The following EMP3 variants were observed in gnomAD, a reference collection of about 807,000 sequenced individuals.
The protein encoded by EMP3 is epithelial membrane protein 3 (MAM blood group), also known as epithelial membrane protein 3.
Under a neutral mutation model 21.6 loss-of-function variants are expected in EMP3, and 15 were observed. The ratio of observed to expected loss-of-function variants is 0.69; its 90% CI spans 0.46 to 1.07. EMP3 has a LOEUF of 1.07. Ranked by LOEUF, EMP3 falls within the 50% of genes least tolerant of loss-of-function variation. The probability of loss-of-function intolerance (pLI) is 0.00; values close to 1 mark genes in which losing one functional copy is unlikely to be tolerated. For synonymous variants in EMP3, 107 were observed against 86.1 expected, an observed-to-expected ratio of 1.24 and a Z score of -1.34; for missense variants, 183 against 206.6, an observed-to-expected ratio of 0.89 and a Z score of 0.70.
Position 48,330,486 on chromosome 19 carries a change from C to T in EMP3, c.*16C>T, listed in dbSNP as rs369650682. ...GCGGGAGTGAGCGCCCCGCCTCGCT[C>T]GGCTGCCCCCGCCCCTTCCCGGCCC... On this transcript the variant is annotated 3_prime_UTR_variant, in exon 5 of 5. Transcript: ENST00000270221. The T allele has an allele frequency of 6.4e-6, 10 of 1,565,672 alleles. No homozygotes were observed. Among genetic ancestry groups the T allele is most frequent in the African/African-American group, 2.8e-5 (2 of 71,854 alleles).
intron 1 of EMP3, 26 bp from the exon 2 acceptor site, chr19:48,326,804 C>T: frequency 6.2e-7 from 1 of 1,601,432 alleles, no homozygotes; most frequent in Non-Finnish European, 8.6e-7. Flanking sequence ...CCTCTTGAGA[C>T]TCCGTCCCCT....
chr19:48,329,364 C>T lies in EMP3; in HGVS notation c.194C>T (p.Ala65Val), dbSNP rs754202309. 57 of 1,614,028 alleles carry T rather than the reference C, an allele frequency of 3.5e-5. No individual in the cohort carries two copies. In the East Asian group the frequency reaches 1.0e-3, roughly 28 times the overall value. ...CTCCTTACTGCAGGCTGGCTGAAGG[C>T]GGTGCAGGTCCTCATGGTGCTCTCC... ...SNVSENGWLK[A>V]VQVLMVLSLI... Residue 65 changes from alanine (A) to valine (V), a missense_variant, in exon 4 of 5, where the codon GCG becomes GTG. By Grantham distance (64) the Ala-to-Val change is moderately conservative. Transcript: ENST00000270221. The surrounding 1 kb of genome is among the most constrained non-coding windows in gnomAD (Gnocchi z 4.5).
chr19:48,330,492 C>T lies in EMP3; in HGVS notation c.*22C>T. 2.6e-6 allele frequency: 4 copies of T among 1,553,684 alleles called. No individual in the cohort carries two copies. Among genetic ancestry groups the T allele is most frequent in the Admixed American group, 2.2e-5 (1 of 46,456 alleles). On this transcript the variant is annotated 3_prime_UTR_variant, in exon 5 of 5. Transcript: ENST00000270221. The stretch of plus-strand genomic sequence containing the variant: ...GTGAGCGCCCCGCCTCGCTCGGCTG[C>T]CCCCGCCCCTTCCCGGCCCCCCTCG...
intron 2 of EMP3, 55 bp downstream of exon 2, chr19:48,326,977 C>A: frequency 1.3e-6 from 2 of 1,487,444 alleles, no homozygotes; most frequent in Non-Finnish European, 1.9e-6. Flanking sequence ...TCTTGCCACG[C>A]CCCTCCTCTA....
chr19:48,327,433 C>T (rs965470520), intron 2 of EMP3, 88 bp from the exon 3 acceptor site: 1 of 967,546 alleles, frequency 1.0e-6, no homozygotes, highest in African/African-American at 1.6e-5. Context: ...ATACCCTGCC[C>T]TTTTCCCAGC....
Position 48,329,407 on chromosome 19 carries a change from C to G in EMP3, c.237C>G (p.Leu79=). The G allele has an allele frequency of 6.2e-7, 1 of 1,612,674 alleles. No homozygotes were observed. Among genetic ancestry groups the G allele is most frequent in the Non-Finnish European group, 8.5e-7 (1 of 1,179,550 alleles). ...LMVLSLILCC[L]SFILFMFQLY... ...TGCTCTCCCTCATTCTCTGCTGTCT[C>G]TCCTTCATCCTGTTCATGTTCCAGC... The change falls in exon 4 of 5, where the codon CTC becomes CTG. Residue 79 remains leucine (L), a synonymous_variant. Coordinates refer to ENST00000270221, the MANE Select transcript of EMP3 (RefSeq NM_001425.3). This position sits in a 1 kb window ranked among gnomAD's most constrained non-coding sequence, Gnocchi z 4.5.
At chr19:48,325,816 C>T (rs1168377383) in intron 1 of EMP3, among the ~76,000 whole-genome samples, 1 of 151,968 alleles carries the variant, frequency 6.6e-6, no homozygotes, top group African/African-American at 2.4e-5. Flanking sequence ...CAGAGCCCTC[C>T]ACTGGAAAAC....
chr19:48,329,597 A>G lies in EMP3; in HGVS notation c.322+105A>G. The G allele has an allele frequency of 1.4e-6, 2 of 1,473,426 alleles. No individual in the cohort carries two copies. The highest frequency in any genetic ancestry group is 1.8e-6 in the Non-Finnish European group (2 of 1,094,456). 91.3% of individuals were successfully genotyped at this position (1,473,426 alleles called of 1,614,324 possible). ...CTGAGAATGGGCCTCTCGTAGAAAAAAACAACTTTCAACACCCCACGAGCC... is the reference window on the plus strand; with the variant it reads ...CTGAGAATGGGCCTCTCGTAGAAAAGAACAACTTTCAACACCCCACGAGCC... On this transcript the variant is annotated intron_variant, in intron 4 of 4. Coordinates refer to ENST00000270221, the MANE Select transcript of EMP3 (RefSeq NM_001425.3). The surrounding 1 kb of genome is among the most constrained non-coding windows in gnomAD (Gnocchi z 4.5).
rs772193482 is a variant in EMP3 at position 48,326,833 on chromosome 19, T to G, written c.-12T>G. On this transcript the variant is annotated 5_prime_UTR_variant, in exon 2 of 5. Transcript: ENST00000270221. ...GTCCCCTGCTCCCCCTCCCCAGGCTTCCACTGCAGCCATGTCACTCCTCTT... is the reference window on the plus strand; with the variant it reads ...GTCCCCTGCTCCCCCTCCCCAGGCTGCCACTGCAGCCATGTCACTCCTCTT... 7 of 1,613,486 alleles carry G rather than the reference T, an allele frequency of 4.3e-6. No individual in the cohort carries two copies. The East Asian group carries it at 1.6e-4, about 36-fold the overall frequency.
At chr19:48,330,262 A>G in intron 4 of EMP3, 39 bp from the exon 5 acceptor site, 3 of 1,526,304 alleles carry the variant, frequency 2.0e-6, no homozygotes, top group Middle Eastern at 3.5e-4. Flanking sequence ...TGTAGTCTTG[A>G]GGGGGCACTG....
chr19:48,327,377 C>T (rs1027293518), intron 2 of EMP3, 144 bp from the exon 3 acceptor site: 6 of 647,116 alleles, frequency 9.3e-6, no homozygotes, highest in African/African-American at 5.4e-5. Flanking sequence ...GACCCTACCC[C>T]CTCTCATATT....
Position 48,330,398 on chromosome 19 carries a change from C to G in EMP3, c.420C>G (p.Ala140=). 6.2e-7 allele frequency: 1 copy of G among 1,606,256 alleles called. No homozygotes were observed. Among genetic ancestry groups the G allele is most frequent in the Non-Finnish European group, 8.5e-7 (1 of 1,176,588 alleles). Residue 140 remains alanine, a synonymous_variant, in exon 5 of 5, where the codon GCC becomes GCG. Transcript: ENST00000270221. ...PRGGSFGYCF[A]LAWVAFPLAL... is the part of the protein sequence containing the mutation. The stretch of plus-strand genomic sequence containing the variant: ...GGGGCAGCTTCGGATACTGCTTCGC[C>G]CTGGCCTGGGTGGCCTTCCCCCTCG...
chr19:48,326,923 G>C lies in EMP3; in HGVS notation c.78+1G>C, dbSNP rs747282198. 1 of 1,613,890 alleles carries C rather than the reference G, an allele frequency of 6.2e-7. No homozygotes were observed. The highest frequency in any genetic ancestry group is 1.1e-5 in the South Asian group (1 of 91,064). On this transcript the variant is annotated splice_donor_variant, in intron 2 of 4. Transcript: ENST00000270221. LOFTEE classifies it high-confidence loss of function. Reference sequence around the variant, plus strand: ...GCTTTTCGTGGCCACTTTGGACAAGGTAAGCCTACTTGGAGCTCAGGGCCC... The same window carrying C: ...GCTTTTCGTGGCCACTTTGGACAAGCTAAGCCTACTTGGAGCTCAGGGCCC...
At chr19:48,326,373 C>T (rs8182495) in intron 1 of EMP3, among the ~76,000 whole-genome samples, 31,652 of 152,024 alleles carry the variant, frequency 0.21, 3,991 homozygotes, top group Non-Finnish European at 0.29. Flanking sequence ...CCCTCTCCAC[C>T]CCTCCAGCCA....
intron 1 of EMP3, 41 bp from the exon 2 acceptor site, chr19:48,326,789 G>A: frequency 6.4e-7 from 1 of 1,568,526 alleles, no homozygotes. Flanking sequence ...CCTGGCCTGT[G>A]CCAACCTCTT....
chr19:48,330,547 A>C lies in EMP3; in HGVS notation c.*77A>C. On this transcript the variant is annotated 3_prime_UTR_variant, in exon 5 of 5. Coordinates refer to ENST00000270221, the MANE Select transcript of EMP3 (RefSeq NM_001425.3). ...GCGTCCTCCAAAAAATAAAACCTTA[A>C]CCGCGGGCTCTGCCTTGATCTTCCT... is the stretch of plus-strand genomic sequence containing the variant. 1 of 1,337,878 alleles carries C rather than the reference A, an allele frequency of 7.5e-7. No homozygotes were observed. Among genetic ancestry groups the C allele is most frequent in the Non-Finnish European group, 1.0e-6 (1 of 999,310 alleles). 82.9% of individuals were successfully genotyped at this position (1,337,878 alleles called of 1,614,324 possible). A position where few individuals can be genotyped will look rare whatever the true frequency, so the allele number is the denominator to read the frequency against.
At chr19:48,330,085 A>C (rs1307403105) in intron 4 of EMP3, among the ~76,000 whole-genome samples, 1 of 150,072 alleles carries the variant, frequency 6.7e-6, no homozygotes, top group Non-Finnish European at 1.5e-5. Flanking sequence ...TATTCCTTGG[A>C]TGGATAGAGA....
intron 1 of EMP3, 69 bp from the exon 2 acceptor site, chr19:48,326,761 G>C: frequency 7.5e-7 from 1 of 1,334,736 alleles, no homozygotes; most frequent in Non-Finnish European, 1.1e-6. Flanking sequence ...AAGTGCTGGG[G>C]TTATAGGCGT....
intron 2 of EMP3, 29 bp downstream of exon 2, chr19:48,326,951 C>G (rs1969132920): frequency 6.2e-7 from 1 of 1,600,718 alleles, no homozygotes; most frequent in African/African-American, 1.3e-5. Context: ...CAGGGCCCTT[C>G]TGTTCCCCTT....
Sources: allele counts gnomAD v4.1 joint callset (sites outside exome capture counted in the v4.1 genomes callset), GRCh38; gene constraint gnomAD v4.1.1; non-coding constraint Gnocchi (gnomAD v3.1); transcripts MANE v1.5; gene names NCBI Gene and HGNC (gene_info 2026-07-23, HGNC 2026-07-21).